KIF13A: variants seen among roughly 807,000 people sequenced by gnomAD.
The protein encoded by KIF13A is kinesin-like protein KIF13A.
A neutral mutation model predicts 212.2 loss-of-function variants in KIF13A; 79 were observed. The observed-to-expected ratio is 0.37, with a 90% CI of 0.31 to 0.45. KIF13A has a LOEUF of 0.45. Ranked by LOEUF, KIF13A falls within the 20% of genes least tolerant of loss-of-function variation. The pLI, the probability that KIF13A is intolerant of heterozygous loss-of-function variation, is 1.00. For synonymous variants in KIF13A, 789 were observed against 808.6 expected, an observed-to-expected ratio of 0.98 and a Z score of 0.41; for missense variants, 1,901 against 2,209.0, an observed-to-expected ratio of 0.86 and a Z score of 2.79.
At chr6:17,930,151 G>C (rs1775868522) in intron 2 of KIF13A, among the ~76,000 whole-genome samples, 1 of 152,108 alleles carries the variant, frequency 6.6e-6, no homozygotes, top group Non-Finnish European at 1.5e-5. Flanking sequence ...AAGTGCTACG[G>C]AAACTAGAAA....
chr6:17,906,453 C>CTT (rs71002281), intron 2 of KIF13A, among the ~76,000 whole-genome samples: 323 of 117,584 alleles, frequency 2.7e-3, no homozygotes, highest in Middle Eastern at 0.013. Context: ...TTTCTTTCTT[C>CTT]TTTTTTTTTT....
intron 11 of KIF13A, among the ~76,000 whole-genome samples, chr6:17,835,996 C>T (rs1216651557): frequency 6.6e-6 from 1 of 152,198 alleles, no homozygotes; most frequent in Non-Finnish European, 1.5e-5. Flanking sequence ...ATGTGGAACC[C>T]TGTGACTTAA....
intron 25 of KIF13A, among the ~76,000 whole-genome samples, chr6:17,790,840 C>T (rs1761470991): frequency 6.6e-6 from 1 of 152,148 alleles, no homozygotes; most frequent in Non-Finnish European, 1.5e-5. Flanking sequence ...AAGGATTGGT[C>T]AGTACTCTCT....
In KIF13A at chr6:17,826,724, A is replaced by G. The variant is rs1173233492; in HGVS notation, c.1533-600T>C. 6.6e-6 allele frequency among the ~76,000 whole-genome samples: 1 copy of G among 152,166 alleles called. No homozygotes were observed. The highest frequency in any genetic ancestry group is 1.5e-5 in the Non-Finnish European group (1 of 68,036). ...TTTCAAGAAACAACTGAAAAAGAAA[A>G]CTGATGAGACAACTGGGGAAATCTG... is the stretch of plus-strand genomic sequence containing the variant. On this transcript the variant is annotated intron_variant, in intron 14 of 38. Transcript: ENST00000259711. The surrounding 1 kb of genome is among the most constrained non-coding windows in gnomAD (Gnocchi z 4.7).
intron 14 of KIF13A, among the ~76,000 whole-genome samples, chr6:17,827,147 T>C (rs993772077): frequency 1.3e-5 from 2 of 152,066 alleles, no homozygotes; most frequent in Non-Finnish European, 2.9e-5. Context: ...CAGGCTGGAG[T>C]GCAATGGAGC....
chr6:17,929,950 G>A (rs1363703439), intron 2 of KIF13A, among the ~76,000 whole-genome samples: 4 of 152,170 alleles, frequency 2.6e-5, no homozygotes, highest in African/African-American at 4.8e-5. Context: ...AACAGTCAAC[G>A]GCACAGTTGA....
chr6:17,775,204 G>T, intron 34 of KIF13A, 142 bp from the exon 35 acceptor site: 1 of 614,532 alleles, frequency 1.6e-6, no homozygotes, highest in Non-Finnish European at 2.8e-6. Flanking sequence ...CAGGAGTAGT[G>T]ACTACTCTCA....
chr6:17,985,411 A>G (rs953965939), intron 2 of KIF13A, among the ~76,000 whole-genome samples: 3 of 152,190 alleles, frequency 2.0e-5, no homozygotes, highest in African/African-American at 7.2e-5. Context: ...CCACAAAATC[A>G]AATCTGTTTC....
intron 2 of KIF13A, among the ~76,000 whole-genome samples, chr6:17,955,212 C>G (rs1464344565): frequency 6.6e-6 from 1 of 152,196 alleles, no homozygotes. Flanking sequence ...GATGTACAAA[C>G]GGACACTAGT....
intron 2 of KIF13A, among the ~76,000 whole-genome samples, chr6:17,939,876 T>A (rs1428977337): frequency 6.6e-6 from 1 of 151,642 alleles, no homozygotes. Context: ...CCGTCTCTAC[T>A]AAAAATACAA....
chr6:17,815,123 C>T (rs1763807629), intron 17 of KIF13A, among the ~76,000 whole-genome samples: 1 of 152,246 alleles, frequency 6.6e-6, no homozygotes, highest in Non-Finnish European at 1.5e-5. Context: ...CCCTGTTTGG[C>T]AGCCAAGGCG....
chr6:17,854,610 C>CA (rs1454645320), intron 6 of KIF13A, among the ~76,000 whole-genome samples: 3 of 113,746 alleles, frequency 2.6e-5, no homozygotes, highest in Non-Finnish European at 5.0e-5. Flanking sequence ...GGCTGGAGTG[C>CA]AGTGGCGTGA....
intron 16 of KIF13A, 72 bp from the exon 17 acceptor site, chr6:17,817,305 C>A: frequency 7.4e-7 from 1 of 1,354,950 alleles, no homozygotes; most frequent in Admixed American, 1.8e-5. Flanking sequence ...GGCACTGCAG[C>A]CTGTGGGAGG....
intron 17 of KIF13A, among the ~76,000 whole-genome samples, chr6:17,814,211 A>T (rs192381690): frequency 4.3e-4 from 63 of 147,682 alleles, no homozygotes; most frequent in African/African-American, 1.5e-3. Flanking sequence ...TTGGCCTCCC[A>T]AAGTGCTGGG....
At position 17,987,530 on chromosome 6, in the gene KIF13A, CCGCCGCCG is replaced by C; in HGVS notation, c.-75_-68del. On this transcript the variant is annotated 5_prime_UTR_variant, in exon 1 of 39. The change abolishes the stop of an existing upstream ORF in the 5' untranslated region. Coordinates refer to ENST00000259711, the MANE Select transcript of KIF13A (RefSeq NM_022113.6). The surrounding 1 kb of genome is among the most constrained non-coding windows in gnomAD (Gnocchi z 7.7). ...CTTAGGCGGCCCCTCACGCGCGGCG[CCGCCGCCG>C]CTGCAGCCGCGCGCCCCTCGAGCGC... The C allele has an allele frequency of 1.2e-6, 1 of 860,822 alleles. No homozygotes were observed. Among genetic ancestry groups the C allele is most frequent in the Non-Finnish European group, 1.4e-6 (1 of 703,242 alleles). 53.3% of individuals were successfully genotyped at this position (860,822 alleles called of 1,614,324 possible).
At chr6:17,840,844 C>T (rs1766434402) in intron 9 of KIF13A, among the ~76,000 whole-genome samples, 1 of 152,170 alleles carries the variant, frequency 6.6e-6, no homozygotes, top group African/African-American at 2.4e-5. Context: ...TGAGAACCAG[C>T]AGACTCAGGA....
rs199545656 is a variant in KIF13A, at chr6:17,817,141, C to T, written c.1879G>A (p.Glu627Lys). 151 of 1,613,920 alleles carry T rather than the reference C, an allele frequency of 9.4e-5. No homozygotes were observed. The highest frequency in any genetic ancestry group is 2.2e-5 in the East Asian group (1 of 44,892). Residue 627 changes from glutamate (E) to lysine (K), a missense_variant, in exon 17 of 39, where the codon GAA becomes AAA. Physicochemically the swap from Glu to Lys is moderately conservative, Grantham distance 56. This residue lies in a region of KIF13A where 534 missense variants were observed against 536.9 expected (regional missense o/e 0.99). Coordinates refer to ENST00000259711, the MANE Select transcript of KIF13A (RefSeq NM_022113.6). ...AGCTGCTGGCGGAGTTGCTCCAGTT[C>T]CCGCTCATACATGAGCCGCTGCTCC... ...LEEQRLMYER[E>K]LEQLRQQLSP...
chr6:17,842,727 T>A (rs737363), intron 9 of KIF13A, among the ~76,000 whole-genome samples: 9,105 of 150,938 alleles, frequency 0.06, 626 homozygotes, highest in African/African-American at 0.16. Context: ...GAATTTTTTT[T>A]AAAAAAATCT....
chr6:17,800,040 G>A lies in KIF13A; in HGVS notation c.2528C>T (p.Ser843Phe), dbSNP rs779813008. 5.0e-6 allele frequency: 8 copies of A among 1,614,006 alleles called. No individual in the cohort carries two copies. The East Asian group carries it at 1.8e-4, about 36-fold the overall frequency. The change falls in exon 21 of 39, where the codon TCT (serine) becomes TTT (phenylalanine). Residue 843 changes from serine (S) to phenylalanine (F), a missense_variant. By Grantham distance (155) the Ser-to-Phe change is radical. Around this residue, in one of 5 missense-constraint regions of KIF13A, gnomAD observed 534 missense variants for 536.9 expected, o/e 0.99. Transcript: ENST00000259711. ...CCCACTTTCACTGGAATTCTCCGAA[G>A]AGTCATCCTCCACCACACGCTCTGG... ...AVPERVVEDD[S>F]SENSSESGSL... is the part of the protein sequence containing the mutation.
Sources: gnomAD v4.1 joint callset for allele counts (sites outside exome capture counted in the v4.1 genomes callset) on GRCh38, gnomAD v4.1.1 for gene constraint, gnomAD v4.1.1 regional missense constraint, Gnocchi (gnomAD v3.1) non-coding constraint, MANE v1.5 for transcripts, NCBI Gene and HGNC (gene_info 2026-07-23, HGNC 2026-07-21) for gene names.